NFIX: variants seen among roughly 807,000 people sequenced by gnomAD.
NFIX encodes nuclear factor 1 X-type.
Under a neutral mutation model 53.3 loss-of-function variants are expected in NFIX, and 2 were observed. The ratio of observed to expected loss-of-function variants is 0.04; its 90% CI spans 0.02 to 0.12. NFIX has a LOEUF of 0.12. Ranked by LOEUF, NFIX falls within the 10% of genes least tolerant of loss-of-function variation. The pLI, the probability that NFIX is intolerant of heterozygous loss-of-function variation, is 1.00. For missense variants in NFIX, 310 were observed against 674.5 expected (o/e 0.46, Z 5.99); for synonymous variants, 244 against 289.0 (o/e 0.84, Z 1.58).
At position 13,023,070 on chromosome 19, in the gene NFIX, TTCTCTC is replaced by T. The variant is rs3840930; in HGVS notation, c.28-1929_28-1924del. ...CAAATAGGTGGATCCTTCTCTCTCT[TTCTCTC>T]TCTCTCTCTCTCTCTCTCTCTGTCT... On this transcript the variant is annotated intron_variant, in intron 1 of 10. Coordinates refer to ENST00000592199, the MANE Select transcript of NFIX (RefSeq NM_001365902.3). 1.1e-3 allele frequency among the ~76,000 whole-genome samples: 152 copies of T among 138,126 alleles called. 1 individual carries two copies. Among genetic ancestry groups the T allele is most frequent in the Admixed American group, 2.9e-3 (42 of 14,352 alleles). The allele number at this position is 138,126 out of a possible 152,430, so 90.6% of individuals were successfully genotyped here. A position where few individuals can be genotyped will look rare whatever the true frequency, so the allele number is the denominator to read the frequency against.
In NFIX at chr19:13,081,215, G is replaced by T. The variant is rs1947768808; in HGVS notation, c.1079-465G>T. 6.6e-6 allele frequency among the ~76,000 whole-genome samples: 1 copy of T among 151,662 alleles called. No homozygotes were observed. Among genetic ancestry groups the T allele is most frequent in the East Asian group, 1.9e-4 (1 of 5,156 alleles). On this transcript the variant is annotated intron_variant, in intron 7 of 10. Transcript: ENST00000592199. The surrounding 1 kb of genome is among the most constrained non-coding windows in gnomAD (Gnocchi z 4.7). ...GGTTACTTGGGGGGCTGAGGTGGGA[G>T]GATTGCATGAGCCCAGGAGGATTGC...
rs2145160204 is a variant in NFIX at position 13,013,506 on chromosome 19, T to C, written c.28-11515T>C. Among the ~76,000 whole-genome samples, 1 of 152,214 alleles carries C rather than the reference T, an allele frequency of 6.6e-6. No homozygotes were observed. Among genetic ancestry groups the C allele is most frequent in the Non-Finnish European group, 1.5e-5 (1 of 68,018 alleles). On this transcript the variant is annotated intron_variant, in intron 1 of 10. Transcript: ENST00000592199. This position sits in a 1 kb window ranked among gnomAD's most constrained non-coding sequence, Gnocchi z 5.9. ...GCAGCTGCGCCCGGGGAGGTGACCC[T>C]GGGGCAGCGGCTGACCCTGCTGCGC...
rs188003699 is a variant in NFIX, at chr19:13,052,520, G to A, written c.560-20527G>A. 3.0e-4 allele frequency among the ~76,000 whole-genome samples: 45 copies of A among 152,270 alleles called. No individual in the cohort carries two copies. The highest frequency in any genetic ancestry group is 8.4e-4 in the African/African-American group (35 of 41,554). On this transcript the variant is annotated intron_variant, in intron 2 of 10. Transcript: ENST00000592199. This position sits in a 1 kb window ranked among gnomAD's most constrained non-coding sequence, Gnocchi z 5.2. The stretch of plus-strand genomic sequence containing the variant: ...GGGGTCATGCCAGTGAGCTTCCTGC[G>A]CTGCTGGCCCTGGCTCTGCTGAGGG...
At position 13,093,402 on chromosome 19, in the gene NFIX, T is replaced by A. The variant is rs1238911882; in HGVS notation, c.1495-1233T>A. 1.3e-5 allele frequency among the ~76,000 whole-genome samples: 2 copies of A among 152,244 alleles called. No individual in the cohort carries two copies. Among genetic ancestry groups the A allele is most frequent in the Non-Finnish European group, 2.9e-5 (2 of 68,038 alleles). ...TTCTGTTTGGGCTTCTGGCTTCTTT[T>A]GAAAAGTTGGCAGATGAGCTGCCCT... On this transcript the variant is annotated intron_variant, in intron 10 of 10. Coordinates refer to ENST00000592199, the MANE Select transcript of NFIX (RefSeq NM_001365902.3). The surrounding 1 kb of genome is among the most constrained non-coding windows in gnomAD (Gnocchi z 4.7).
intron 2 of NFIX, among the ~76,000 whole-genome samples, chr19:13,039,228 C>CCCACACACA (rs796212249): frequency 4.3e-4 from 62 of 144,522 alleles, no homozygotes; most frequent in African/African-American, 1.7e-3. Flanking sequence ...ACACCCCCCC[C>CCCACACACA]CACACACACA....
chr19:12,997,203 A>G (rs1197546542), intron 1 of NFIX, among the ~76,000 whole-genome samples: 1 of 152,180 alleles, frequency 6.6e-6, no homozygotes, highest in Non-Finnish European at 1.5e-5. Flanking sequence ...CAGTGGTGTC[A>G]AGGGGCGAGG....
chr19:13,056,179 AGCAG>A (rs2015679080), intron 2 of NFIX, among the ~76,000 whole-genome samples: 1 of 152,196 alleles, frequency 6.6e-6, no homozygotes, highest in Non-Finnish European at 1.5e-5. Context: ...GAGTTGGGGA[AGCAG>A]GCGGGCAGGG....
rs1463517422 is a variant in NFIX, at chr19:13,011,470, C to A, written c.28-13551C>A. ...TCCAGGTGCGCCCGGGCGGTGGAGG[C>A]GAGTTCCCTGCGCGCATCATGGACT... On this transcript the variant is annotated intron_variant, in intron 1 of 10. Coordinates refer to ENST00000592199, the MANE Select transcript of NFIX (RefSeq NM_001365902.3). The surrounding 1 kb of genome is among the most constrained non-coding windows in gnomAD (Gnocchi z 6.5). 6.7e-6 allele frequency among the ~76,000 whole-genome samples: 1 copy of A among 148,518 alleles called. No individual in the cohort carries two copies. The highest frequency in any genetic ancestry group is 1.5e-5 in the Non-Finnish European group (1 of 67,064).
chr19:13,073,366 G>A lies in NFIX; in HGVS notation c.623-56G>A. The A allele has an allele frequency of 1.4e-6, 2 of 1,448,912 alleles. No homozygotes were observed. Among genetic ancestry groups the A allele is most frequent in the Non-Finnish European group, 1.9e-6 (2 of 1,029,476 alleles). 89.8% of individuals were successfully genotyped at this position (1,448,912 alleles called of 1,614,324 possible). ...ACAGTGTGGAAGACCTTTGGAAATA[G>A]CCAGGCAGCCCCCTTCTGGCCTTGT... On this transcript the variant is annotated intron_variant, in intron 3 of 10. Transcript: ENST00000592199. The surrounding 1 kb of genome is among the most constrained non-coding windows in gnomAD (Gnocchi z 4.5).
rs1024948492 is a variant in NFIX at position 13,024,651 on chromosome 19, G to A, written c.28-370G>A. The A allele has an allele frequency of 2.7e-5, 42 of 1,536,330 alleles. No homozygotes were observed. The highest frequency in any genetic ancestry group is 3.2e-5 in the Non-Finnish European group (37 of 1,146,926). ...GATAGAACATGGAGATGTCATGGGCGCGACAGAGCCTGGCGGGGATACCAG... is the reference window on the plus strand; with the variant it reads ...GATAGAACATGGAGATGTCATGGGCACGACAGAGCCTGGCGGGGATACCAG... On this transcript the variant is annotated intron_variant, in intron 1 of 10. Coordinates refer to ENST00000592199, the MANE Select transcript of NFIX (RefSeq NM_001365902.3).
rs1398308908 is a variant in NFIX, at chr19:13,098,411, TTTC to T, written c.*3768_*3770del. 1 of 151,358 alleles carries T rather than the reference TTTC, an allele frequency of 6.6e-6. No individual in the cohort carries two copies. The highest frequency in any genetic ancestry group is 2.4e-5 in the African/African-American group (1 of 41,024). 9.4% of individuals were successfully genotyped at this position (151,358 alleles called of 1,614,324 possible). On this transcript the variant is annotated 3_prime_UTR_variant, in exon 11 of 11. Transcript: ENST00000592199. ...AAGGCCGCCCGTCCCGTCAAACAAG[TTTC>T]TTCTTAGGCTAAGAAACGCAGTATA...
intron 2 of NFIX, among the ~76,000 whole-genome samples, chr19:13,026,088 AGAG>A (rs1409703727): frequency 6.6e-6 from 1 of 152,184 alleles, no homozygotes; most frequent in Non-Finnish European, 1.5e-5. Context: ...TGAACAGAAA[AGAG>A]GAGAGAAGAC....
chr19:13,032,852 C>T (rs1173752815), intron 2 of NFIX, among the ~76,000 whole-genome samples: 3 of 152,106 alleles, frequency 2.0e-5, no homozygotes, highest in African/African-American at 7.2e-5. Context: ...TGTTGGGGTG[C>T]GTACCTTAAC....
intron 8 of NFIX, among the ~76,000 whole-genome samples, chr19:13,084,413 C>T (rs1421964420): frequency 6.6e-6 from 1 of 152,082 alleles, no homozygotes; most frequent in Non-Finnish European, 1.5e-5. Context: ...CACTGCACTC[C>T]AGTCTGGGCG....
intron 2 of NFIX, among the ~76,000 whole-genome samples, chr19:13,059,989 T>C (rs1400505118): frequency 6.6e-6 from 1 of 151,902 alleles, no homozygotes; most frequent in African/African-American, 2.4e-5. Context: ...GTTTCACCAT[T>C]GTTGCCCTGG....
At position 12,996,530 on chromosome 19, in the gene NFIX, A is replaced by AGG. The variant is rs2011472933; in HGVS notation, c.27+671_27+672dup. On this transcript the variant is annotated intron_variant, in intron 1 of 10. Coordinates refer to ENST00000592199, the MANE Select transcript of NFIX (RefSeq NM_001365902.3). The surrounding 1 kb of genome is among the most constrained non-coding windows in gnomAD (Gnocchi z 5.2). Reference sequence around the variant, plus strand: ...ATTTCGGAGGGGCAGGGGAGGGGAGAGGGGGGCGGGCGCGCTGCCAGCGGT... The same window carrying AGG: ...ATTTCGGAGGGGCAGGGGAGGGGAGAGGGGGGGGCGGGCGCGCTGCCAGCGGT... 1.6e-5 allele frequency among the ~76,000 whole-genome samples: 1 copy of AGG among 61,586 alleles called. No homozygotes were observed. Among genetic ancestry groups the AGG allele is most frequent in the African/African-American group, 6.1e-5 (1 of 16,410 alleles). The allele number at this position is 61,586 out of a possible 152,430, so 40.4% of individuals were successfully genotyped here. A position where few individuals can be genotyped will look rare whatever the true frequency, so the allele number is the denominator to read the frequency against.
At chr19:13,023,236 G>T (rs978870114) in intron 1 of NFIX, among the ~76,000 whole-genome samples, 2 of 149,100 alleles carry the variant, frequency 1.3e-5, no homozygotes, top group African/African-American at 4.9e-5. Context: ...AACCCAACCA[G>T]TGCGCACACA....
chr19:13,047,800 T>C (rs1447275972), intron 2 of NFIX, among the ~76,000 whole-genome samples: 1 of 152,158 alleles, frequency 6.6e-6, no homozygotes, highest in African/African-American at 2.4e-5. Flanking sequence ...CAGTTGCCCA[T>C]GGTATGGCTG....
chr19:13,077,370 G>A (rs951997211), intron 6 of NFIX, among the ~76,000 whole-genome samples: 2 of 152,016 alleles, frequency 1.3e-5, no homozygotes, highest in South Asian at 4.1e-4. Flanking sequence ...CCCTCACCCC[G>A]CTGTGTGTTG....
Sources: gnomAD v4.1 joint callset for allele counts (sites outside exome capture counted in the v4.1 genomes callset) on GRCh38, gnomAD v4.1.1 for gene constraint, Gnocchi (gnomAD v3.1) non-coding constraint, MANE v1.5 for transcripts, NCBI Gene and HGNC (gene_info 2026-07-23, HGNC 2026-07-21) for gene names.